USP36: variants seen among roughly 807,000 people sequenced by gnomAD.
USP36 encodes the protein ubiquitin carboxyl-terminal hydrolase 36.
In USP36, 59 loss-of-function variants were observed where a neutral mutation model predicts 111.5. The observed-to-expected ratio is 0.53, with a 90% CI of 0.43 to 0.66. The LOEUF is 0.66. Ranked by LOEUF, USP36 falls within the 30% of genes least tolerant of loss-of-function variation. The probability of loss-of-function intolerance (pLI) is 0.00; values close to 1 mark genes in which losing one functional copy is unlikely to be tolerated. For missense variants in USP36, 1,488 were observed against 1,468.0 expected (o/e 1.01, Z -0.22); for synonymous variants, 628 against 581.0 (o/e 1.08, Z -1.16).
At chr17:78,835,019 T>A (rs571952518) in intron 4 of USP36, among the ~76,000 whole-genome samples, 3 of 122,246 alleles carry the variant, frequency 2.5e-5, no homozygotes, top group African/African-American at 1.1e-4. Context: ...ATATATATAT[T>A]TTGGAAGTAT....
intron 3 of USP36, among the ~76,000 whole-genome samples, chr17:78,790,165 T>A (rs140272054): frequency 2.2e-4 from 34 of 152,252 alleles, no homozygotes; most frequent in African/African-American, 7.0e-4. Context: ...CTCAGCTCAC[T>A]GCAACCTCGG....
chr17:78,807,895 G>C (rs764186660), intron 13 of USP36, among the ~76,000 whole-genome samples: 1 of 152,154 alleles, frequency 6.6e-6, no homozygotes, highest in African/African-American at 2.4e-5. Flanking sequence ...ACAGAGATGG[G>C]GTTTCACCAT....
chr17:78,820,136 A>C (rs2094284172), intron 8 of USP36, 124 bp from the exon 9 acceptor site: 2 of 993,822 alleles, frequency 2.0e-6, no homozygotes, highest in Non-Finnish European at 3.0e-6. Context: ...CTCGCATAAA[A>C]ATTTGCCCAC....
At chr17:78,819,346 A>C (rs9900386) in intron 9 of USP36, among the ~76,000 whole-genome samples, 8,994 of 152,260 alleles carry the variant, frequency 0.059, 851 homozygotes, top group African/African-American at 0.2. Flanking sequence ...GCAAGGCAGG[A>C]AGATCACCTG....
chr17:78,798,388 C>A lies in USP36; in HGVS notation c.*20+12G>T, dbSNP rs1366816441. The A allele has an allele frequency of 1.2e-6, 2 of 1,613,426 alleles. No homozygotes were observed. The highest frequency in any genetic ancestry group is 2.7e-5 in the African/African-American group (2 of 74,898). ...CCCACCTCACCCTTACACCCACCCC[C>A]TCGGAACCGACCTCCTTCCACAGGG... On this transcript the variant is annotated intron_variant, in intron 20 of 20. Coordinates refer to ENST00000449938, the MANE Select transcript of USP36 (RefSeq NM_001385174.1). The surrounding 1 kb of genome is among the most constrained non-coding windows in gnomAD (Gnocchi z 5.1).
intron 13 of USP36, 44 bp downstream of exon 13, chr17:78,812,816 G>A: frequency 1.2e-6 from 2 of 1,607,924 alleles, no homozygotes; most frequent in Non-Finnish European, 1.7e-6. Flanking sequence ...TCTGTGAGGA[G>A]CACCAAGACC....
intron 6 of USP36, among the ~76,000 whole-genome samples, chr17:78,824,909 T>A (rs1364360271): frequency 1.3e-5 from 2 of 152,116 alleles, no homozygotes; most frequent in African/African-American, 4.8e-5. Context: ...CAAAAGCCAC[T>A]CCACGTGACA....
chr17:78,805,029 C>T (rs936271566), intron 15 of USP36, among the ~76,000 whole-genome samples: 13 of 152,158 alleles, frequency 8.5e-5, no homozygotes, highest in Admixed American at 2.6e-4. Context: ...ATGAGCAAGG[C>T]GTGTCCGGGA....
intron 1 of USP36, chr17:78,840,355 C>T (rs1306669815): frequency 6.6e-6 from 1 of 152,662 alleles, no homozygotes; most frequent in Non-Finnish European, 1.5e-5. Context: ...CCCCGCTGAG[C>T]TCTGCGGCCG....
chr17:78,802,603 C>T, intron 16 of USP36, 68 bp from the exon 17 acceptor site: 1 of 1,461,762 alleles, frequency 6.8e-7, no homozygotes, highest in Non-Finnish European at 9.2e-7. Flanking sequence ...CGCACAGACA[C>T]CCGCCTGCAA....
chr17:78,802,002 C>G (rs2093755229), intron 17 of USP36, among the ~76,000 whole-genome samples: 1 of 152,124 alleles, frequency 6.6e-6, no homozygotes, highest in African/African-American at 2.4e-5. Flanking sequence ...CACATCTTCT[C>G]CCAGACCCTC....
In USP36 at chr17:78,807,331, G is replaced by C. The variant is rs1206731796; in HGVS notation, c.1713C>G (p.Ser571=). Reference sequence around the variant, plus strand: ...AGAGGACAACATCCCTGCTGTCCCAGGAGCCCTGCCTTTGGCTCCCAGATC... The same window carrying C: ...AGAGGACAACATCCCTGCTGTCCCACGAGCCCTGCCTTTGGCTCCCAGATC... ...SSRSGSQRQG[S]WDSRDVVLST... is the part of the protein sequence containing the mutation. The change falls in exon 14 of 21, where the codon TCC becomes TCG. Residue 571 remains serine, a synonymous_variant. Transcript: ENST00000449938. 1 of 1,614,234 alleles carries C rather than the reference G, an allele frequency of 6.2e-7. No homozygotes were observed. Among genetic ancestry groups the C allele is most frequent in the Admixed American group, 1.7e-5 (1 of 60,032 alleles).
rs868268301 is a variant in USP36, at chr17:78,831,255, G to A, written c.476-2248C>T. 7.6e-3 allele frequency among the ~76,000 whole-genome samples: 151 copies of A among 19,814 alleles called. 16 individuals are homozygous for A. The highest frequency in any genetic ancestry group is 0.027 in the African/African-American group (118 of 4,436). The allele number at this position is 19,814 out of a possible 152,430, so 13.0% of individuals were successfully genotyped here. On this transcript the variant is annotated intron_variant, in intron 4 of 20. Coordinates refer to ENST00000449938, the MANE Select transcript of USP36 (RefSeq NM_001385174.1). The stretch of plus-strand genomic sequence containing the variant: ...AAAAAAAAAAAAAAAAAAAAAAAAG[G>A]GACAACATAAATATTGAAGAGCTCT...
intron 13 of USP36, among the ~76,000 whole-genome samples, chr17:78,812,285 G>C (rs2094079047): frequency 1.3e-5 from 2 of 152,168 alleles, no homozygotes; most frequent in Admixed American, 6.5e-5. Flanking sequence ...AGTGGTGCTG[G>C]TCTCATGAGT....
Position 78,813,054 on chromosome 17 carries a change from C to T in USP36, c.1266-53G>A, listed in dbSNP as rs925344978. 30 of 1,607,576 alleles carry T rather than the reference C, an allele frequency of 1.9e-5. 1 individual carries two copies. Among genetic ancestry groups the T allele is most frequent in the Middle Eastern group, 3.3e-4 (2 of 6,032 alleles). ...ATTCTCTTACTAGGCATTACAGAAA[C>T]GGAGAGAATTAGAATAAGTTAAGGC... On this transcript the variant is annotated intron_variant, in intron 12 of 20. Transcript: ENST00000449938.
In USP36 at chr17:78,803,184, G is replaced by A. The variant is rs1355097443; in HGVS notation, c.2810+201C>T. Among the ~76,000 whole-genome samples, 3 of 151,968 alleles carry A rather than the reference G, an allele frequency of 2.0e-5. No homozygotes were observed. Among genetic ancestry groups the A allele is most frequent in the Admixed American group, 6.6e-5 (1 of 15,250 alleles). ...ACTCCTGGGTTGAAGTGATCCACCC[G>A]CCTCAGCCTCCCAAAGTGCTAGGAT... is the stretch of plus-strand genomic sequence containing the variant. On this transcript the variant is annotated intron_variant, in intron 16 of 20. Transcript: ENST00000449938. This position sits in a 1 kb window ranked among gnomAD's most constrained non-coding sequence, Gnocchi z 4.6.
intron 3 of USP36, among the ~76,000 whole-genome samples, chr17:78,788,857 G>C (rs113337240): frequency 6.6e-5 from 10 of 152,086 alleles, no homozygotes; most frequent in African/African-American, 2.4e-4. Context: ...AGGTGGGGAC[G>C]GGAGGGACAC....
intron 11 of USP36, 56 bp from the exon 12 acceptor site, chr17:78,813,929 C>A: frequency 6.7e-7 from 1 of 1,484,788 alleles, no homozygotes; most frequent in Non-Finnish European, 9.3e-7. Context: ...ATCCCATTAT[C>A]CTCACTTTTT....
At chr17:78,817,181 T>C (rs1389914817) in intron 10 of USP36, among the ~76,000 whole-genome samples, 1 of 152,212 alleles carries the variant, frequency 6.6e-6, no homozygotes, top group Non-Finnish European at 1.5e-5. Flanking sequence ...CTAGGAGCAA[T>C]GGGCTATACC....
Sources: gnomAD v4.1 joint callset for allele counts (sites outside exome capture counted in the v4.1 genomes callset) on GRCh38, gnomAD v4.1.1 for gene constraint, Gnocchi (gnomAD v3.1) non-coding constraint, MANE v1.5 for transcripts, NCBI Gene and HGNC (gene_info 2026-07-23, HGNC 2026-07-21) for gene names.